The following PBX3 variants were observed in gnomAD, a reference collection of about 807,000 sequenced individuals.
The protein encoded by PBX3 is PBX homeobox 3.
Under a neutral mutation model 48.5 loss-of-function variants are expected in PBX3, and 14 were observed. The observed-to-expected ratio is 0.29, with a 90% CI of 0.19 to 0.45. The LOEUF is 0.45. Ranked by LOEUF, PBX3 falls within the 20% of genes least tolerant of loss-of-function variation. The probability of loss-of-function intolerance (pLI) is 1.00; values close to 1 mark genes in which losing one functional copy is unlikely to be tolerated. For missense variants in PBX3, 386 were observed against 546.7 expected, an observed-to-expected ratio of 0.71 and a Z score of 2.93; for synonymous variants, 210 against 200.3, an observed-to-expected ratio of 1.05 and a Z score of -0.41.
chr9:125,898,761 A>G (rs1221274575), intron 2 of PBX3, among the ~76,000 whole-genome samples: 1 of 151,842 alleles, frequency 6.6e-6, no homozygotes, highest in East Asian at 1.9e-4. Flanking sequence ...TTGATTTAGT[A>G]CATTCTTTTG....
chr9:125,805,959 T>C (rs1245053378), intron 2 of PBX3, among the ~76,000 whole-genome samples: 9 of 152,228 alleles, frequency 5.9e-5, no homozygotes, highest in Non-Finnish European at 1.5e-5. Context: ...GGGAGAAATG[T>C]AATAAGCCAA....
chr9:125,753,900 TTC>T (rs1213267490), intron 2 of PBX3, among the ~76,000 whole-genome samples: 1 of 152,134 alleles, frequency 6.6e-6, no homozygotes, highest in East Asian at 1.9e-4. Context: ...AAAAGGTTAC[TTC>T]TGAGGCAAAT....
At chr9:125,865,776 A>G (rs12237340) in intron 2 of PBX3, among the ~76,000 whole-genome samples, 3,057 of 152,304 alleles carry the variant, frequency 0.02, 173 homozygotes, top group East Asian at 0.17. Context: ...TAGAAGAGAC[A>G]AAGATTATGT....
chr9:125,885,802 G>A (rs1020979694), intron 2 of PBX3, among the ~76,000 whole-genome samples: 1 of 149,182 alleles, frequency 6.7e-6, no homozygotes, highest in Admixed American at 6.7e-5. Context: ...TAGGGGATGT[G>A]TGTGTGTGTG....
chr9:125,891,101 A>T (rs1176966945), intron 2 of PBX3, among the ~76,000 whole-genome samples: 1 of 152,214 alleles, frequency 6.6e-6, no homozygotes, highest in Non-Finnish European at 1.5e-5. Flanking sequence ...CTTTCTATGT[A>T]TGAAATAGAT....
intron 2 of PBX3, among the ~76,000 whole-genome samples, chr9:125,851,309 T>TATA (rs113448005): frequency 0.084 from 12,845 of 152,100 alleles, 775 homozygotes; most frequent in East Asian, 0.17. Flanking sequence ...ATCTGTTGAT[T>TATA]ATGTTTAAAA....
intron 5 of PBX3, among the ~76,000 whole-genome samples, chr9:125,957,513 T>C (rs993796256): frequency 5.3e-5 from 8 of 152,228 alleles, no homozygotes; most frequent in African/African-American, 1.7e-4. Flanking sequence ...TGTTGTTTGA[T>C]TGGTCCAGGG....
chr9:125,845,441 T>C (rs978245146), intron 2 of PBX3, among the ~76,000 whole-genome samples: 4 of 152,118 alleles, frequency 2.6e-5, no homozygotes, highest in Non-Finnish European at 5.9e-5. Flanking sequence ...AACTCTGTAC[T>C]GTTGTAAGGT....
At chr9:125,854,775 A>G (rs1487122881) in intron 2 of PBX3, among the ~76,000 whole-genome samples, 1 of 152,174 alleles carries the variant, frequency 6.6e-6, no homozygotes, top group African/African-American at 2.4e-5. Context: ...TTGAAAGGGA[A>G]CTTGGGTTGA....
chr9:125,883,953 G>A (rs1250397881), intron 2 of PBX3, among the ~76,000 whole-genome samples: 1 of 152,196 alleles, frequency 6.6e-6, no homozygotes, highest in Non-Finnish European at 1.5e-5. Flanking sequence ...TCGCCTGCCT[G>A]AAGCATCCCA....
intron 2 of PBX3, among the ~76,000 whole-genome samples, chr9:125,899,349 ATTTT>A (rs1231395296): frequency 1.0e-5 from 1 of 98,208 alleles, no homozygotes; most frequent in Admixed American, 1.2e-4. Flanking sequence ...ATATGTATAT[ATTTT>A]TATATAAATA....
At chr9:125,924,044 G>A (rs762545077) in intron 3 of PBX3, among the ~76,000 whole-genome samples, 1 of 148,840 alleles carries the variant, frequency 6.7e-6, no homozygotes, top group Non-Finnish European at 1.5e-5. Context: ...TTTTAAATTT[G>A]TTTATTATAG....
intron 2 of PBX3, among the ~76,000 whole-genome samples, chr9:125,755,400 CAG>C (rs1276541322): frequency 1.3e-5 from 2 of 152,040 alleles, no homozygotes; most frequent in Non-Finnish European, 1.5e-5. Flanking sequence ...AGTAGTAAAA[CAG>C]TGTGCGGTAA....
chr9:125,783,203 C>T (rs1259664629), intron 2 of PBX3, among the ~76,000 whole-genome samples: 1 of 152,056 alleles, frequency 6.6e-6, no homozygotes, highest in African/African-American at 2.4e-5. Flanking sequence ...GCATGATGTC[C>T]CAACATGTGT....
intron 2 of PBX3, among the ~76,000 whole-genome samples, chr9:125,792,701 A>T (rs1292509516): frequency 1.4e-5 from 2 of 142,306 alleles, no homozygotes; most frequent in African/African-American, 2.6e-5. Flanking sequence ...GGTATACTTA[A>T]TTTTTTTTTT....
At position 125,873,589 on chromosome 9, in the gene PBX3, A is replaced by G. The variant is rs370777930; in HGVS notation, c.275-42097A>G. On this transcript the variant is annotated intron_variant, in intron 2 of 8. Transcript: ENST00000373489. ...TTTGGAAGTTTAAAATGTTTTCTAAATCATTCTCAAGTCAAAGAAATTGTG... is the reference window on the plus strand; with the variant it reads ...TTTGGAAGTTTAAAATGTTTTCTAAGTCATTCTCAAGTCAAAGAAATTGTG... Among the ~76,000 whole-genome samples, 3 of 151,246 alleles carry G rather than the reference A, an allele frequency of 2.0e-5. No individual in the cohort carries two copies. The East Asian group carries it at 5.8e-4, about 29-fold the overall frequency.
At chr9:125,825,315 C>T (rs930485476) in intron 2 of PBX3, among the ~76,000 whole-genome samples, 5 of 151,958 alleles carry the variant, frequency 3.3e-5, no homozygotes, top group African/African-American at 4.8e-5. Context: ...GAGAACCTAG[C>T]AAGCTTTGGC....
At chr9:125,791,062 C>G (rs1837588816) in intron 2 of PBX3, among the ~76,000 whole-genome samples, 1 of 151,882 alleles carries the variant, frequency 6.6e-6, no homozygotes, top group South Asian at 2.1e-4. Context: ...TTACAGGTGC[C>G]TGCCACTACG....
chr9:125,866,720 T>C (rs1208622405), intron 2 of PBX3, among the ~76,000 whole-genome samples: 1 of 152,222 alleles, frequency 6.6e-6, no homozygotes, highest in Admixed American at 6.5e-5. Flanking sequence ...AAATGGCAGA[T>C]GTTATTTGTA....
Sources: gnomAD v4.1 joint callset for allele counts (sites outside exome capture counted in the v4.1 genomes callset) on GRCh38, gnomAD v4.1.1 for gene constraint, MANE v1.5 for transcripts, NCBI Gene and HGNC (gene_info 2026-07-23, HGNC 2026-07-21) for gene names.